Variants in TMX2 observed in about 807,000 individuals in gnomAD.
The protein encoded by TMX2 is thioredoxin related transmembrane protein 2, also known as thioredoxin-related transmembrane protein 2.
A neutral mutation model predicts 33.4 loss-of-function variants in TMX2; 20 were observed. The ratio of observed to expected loss-of-function variants is 0.60; its 90% CI spans 0.42 to 0.87. TMX2 has a LOEUF of 0.87. Among genes scored for constraint, TMX2 ranks in the 40% least tolerant of loss-of-function variants. The pLI is 0.00. For missense variants in TMX2, 340 were observed against 370.7 expected, an observed-to-expected ratio of 0.92 and a Z score of 0.68; for synonymous variants, 166 against 140.7, an observed-to-expected ratio of 1.18 and a Z score of -1.27.
intron 1 of TMX2, among the ~76,000 whole-genome samples, chr11:57,735,850 T>G (rs1948722566): frequency 6.6e-6 from 1 of 152,194 alleles, no homozygotes; most frequent in Non-Finnish European, 1.5e-5. Flanking sequence ...CTATGCATTC[T>G]CCTTAGCCTG....
intron 1 of TMX2, among the ~76,000 whole-genome samples, chr11:57,719,270 C>T (rs1301541415): frequency 3.3e-5 from 5 of 151,028 alleles, no homozygotes; most frequent in South Asian, 2.1e-4. Context: ...CTCCTGAACT[C>T]GTGATCCAGC....
In TMX2 at chr11:57,740,825, A is replaced by C. The variant is rs1949039636; in HGVS notation, c.*580A>C. The C allele has an allele frequency of 6.6e-6, 1 of 152,330 alleles. No homozygotes were observed. Among genetic ancestry groups the C allele is most frequent in the Non-Finnish European group, 1.5e-5 (1 of 68,180 alleles). 9.4% of individuals were successfully genotyped at this position (152,330 alleles called of 1,614,324 possible). On this transcript the variant is annotated 3_prime_UTR_variant, in exon 8 of 8. Transcript: ENST00000278422. ...TTGAACAACCCCCTATTTTGTGGGG[A>C]TTGAGAAGGGGTGAATAGAGGCTTG...
intron 1 of TMX2, among the ~76,000 whole-genome samples, chr11:57,731,896 T>A (rs1948432032): frequency 6.6e-6 from 1 of 152,190 alleles, no homozygotes; most frequent in Non-Finnish European, 1.5e-5. Context: ...TTGTACTTTA[T>A]GGTACCCTAC....
intron 1 of TMX2, among the ~76,000 whole-genome samples, chr11:57,714,857 GA>G (rs1193271730): frequency 6.6e-6 from 1 of 152,008 alleles, no homozygotes; most frequent in Non-Finnish European, 1.5e-5. Context: ...GCTTCCTAAG[GA>G]GCTGGGATTT....
chr11:57,717,965 G>A (rs1194106246), intron 1 of TMX2: 2 of 729,110 alleles, frequency 2.7e-6, no homozygotes, highest in Non-Finnish European at 4.9e-6. Context: ...GAGCAAATGG[G>A]GTAGAGGGGT....
chr11:57,718,169 C>T (rs1221186070), intron 1 of TMX2: 3 of 1,247,348 alleles, frequency 2.4e-6, no homozygotes, highest in African/African-American at 2.9e-5. Context: ...GCTTGCCATC[C>T]AACCACTCAC....
chr11:57,725,474 C>T (rs888411215), intron 1 of TMX2, among the ~76,000 whole-genome samples: 4 of 152,146 alleles, frequency 2.6e-5, no homozygotes, highest in East Asian at 1.9e-4. Context: ...AGGTGGCTCA[C>T]GCTTGTAATC....
chr11:57,736,181 T>A (rs747425401), intron 1 of TMX2, among the ~76,000 whole-genome samples: 1 of 152,166 alleles, frequency 6.6e-6, no homozygotes. Context: ...CTATTACTTC[T>A]CAGTGTCTTT....
At position 57,712,749 on chromosome 11, in the gene TMX2, C is replaced by T. The variant is rs1374689569; in HGVS notation, c.131C>T (p.Pro44Leu). 3 of 1,614,190 alleles carry T rather than the reference C, an allele frequency of 1.9e-6. No individual in the cohort carries two copies. Among genetic ancestry groups the T allele is most frequent in the Admixed American group, 1.7e-5 (1 of 60,024 alleles). ...TTCCTACTCGTGAGGAAACTGCCGC[C>T]GCTCTGCCACGGTCTGCCCACCCAA... ...AAFLLVRKLP[P>L]LCHGLPTQRE... Residue 44 changes from proline (P) to leucine (L), a missense_variant, in exon 1 of 8, where the codon CCG (proline) becomes CTG (leucine). Around this residue, in one of 3 missense-constraint regions of TMX2, gnomAD observed 106 missense variants for 82.7 expected, o/e 1.28. Coordinates refer to ENST00000278422, the MANE Select transcript of TMX2 (RefSeq NM_015959.4).
intron 1 of TMX2, among the ~76,000 whole-genome samples, chr11:57,714,370 A>G (rs1590893003): frequency 6.6e-6 from 1 of 152,354 alleles, no homozygotes; most frequent in South Asian, 2.1e-4. Context: ...AGACATTTCT[A>G]TGGAACAAGA....
At chr11:57,729,610 G>A (rs746803286) in intron 1 of TMX2, among the ~76,000 whole-genome samples, 1 of 152,178 alleles carries the variant, frequency 6.6e-6, no homozygotes, top group African/African-American at 2.4e-5. Flanking sequence ...CACCTGAGTT[G>A]CCTTTAATAT....
Position 57,725,690 on chromosome 11 carries a change from T to C in TMX2, c.190-11918T>C, listed in dbSNP as rs190284005. On this transcript the variant is annotated intron_variant, in intron 1 of 7. Coordinates refer to ENST00000278422, the MANE Select transcript of TMX2 (RefSeq NM_015959.4). ...AGGTGGAGGTTGCAGTGAACTGAGATTGTGCCACTGCACTCCAGCCTGGGC... is the reference window on the plus strand; with the variant it reads ...AGGTGGAGGTTGCAGTGAACTGAGACTGTGCCACTGCACTCCAGCCTGGGC... Among the ~76,000 whole-genome samples, 33 of 152,128 alleles carry C rather than the reference T, an allele frequency of 2.2e-4. No individual in the cohort carries two copies. The East Asian group carries it at 4.6e-3, about 21-fold the overall frequency.
intron 1 of TMX2, among the ~76,000 whole-genome samples, chr11:57,717,724 A>AAGGGAGT (rs1947257899): frequency 3.3e-5 from 1 of 30,662 alleles, no homozygotes; most frequent in Non-Finnish European, 5.4e-5. Context: ...CGAGAGGGAG[A>AAGGGAGT]GGGGAGAGGG....
chr11:57,715,586 C>CTTTTTTTTTTTTTTTTTTTTTTTTTT (rs367827761), intron 1 of TMX2, among the ~76,000 whole-genome samples: 17 of 130,092 alleles, frequency 1.3e-4, no homozygotes, highest in East Asian at 7.3e-4. Context: ...AATTTGTTTT[C>CTTTTTTTTTTTTTTTTTTTTTTTTTT]TTTTTTTTTT....
chr11:57,733,198 CTG>C (rs1016920242), intron 1 of TMX2, among the ~76,000 whole-genome samples: 5 of 147,186 alleles, frequency 3.4e-5, no homozygotes, highest in African/African-American at 1.3e-4. Context: ...TCAGTGATAA[CTG>C]TGGTTGTGTT....
intron 1 of TMX2, among the ~76,000 whole-genome samples, chr11:57,721,503 A>C (rs1001510817): frequency 2.6e-5 from 4 of 151,998 alleles, no homozygotes; most frequent in African/African-American, 9.7e-5. Flanking sequence ...TTTAGTAGAC[A>C]TGGGGTTTTT....
At chr11:57,714,109 C>T (rs953559664) in intron 1 of TMX2, among the ~76,000 whole-genome samples, 1 of 152,108 alleles carries the variant, frequency 6.6e-6, no homozygotes, top group Non-Finnish European at 1.5e-5. Context: ...GGGTGTGAGT[C>T]CCTGGTCTTC....
intron 1 of TMX2, among the ~76,000 whole-genome samples, chr11:57,726,759 C>A (rs1590939875): frequency 6.6e-6 from 1 of 152,208 alleles, no homozygotes; most frequent in South Asian, 2.1e-4. Flanking sequence ...CCAGGCATTT[C>A]TCCCATTTAA....
intron 1 of TMX2, among the ~76,000 whole-genome samples, chr11:57,724,151 T>A (rs1257001293): frequency 6.6e-6 from 1 of 152,158 alleles, no homozygotes; most frequent in Non-Finnish European, 1.5e-5. Flanking sequence ...TTTAAGAGCT[T>A]GTTTGAATTA....
Sources: gnomAD v4.1 joint callset for allele counts (sites outside exome capture counted in the v4.1 genomes callset) on GRCh38, gnomAD v4.1.1 for gene constraint, gnomAD v4.1.1 regional missense constraint, MANE v1.5 for transcripts, NCBI Gene and HGNC (gene_info 2026-07-23, HGNC 2026-07-21) for gene names.